Variants in C8orf34 observed in about 807,000 individuals in gnomAD.
The protein encoded by C8orf34 is uncharacterized protein C8orf34.
Under a neutral mutation model 68.3 loss-of-function variants are expected in C8orf34, and 65 were observed. That is an observed-to-expected ratio of 0.95 (90% CI 0.78 to 1.17). The LOEUF (loss-of-function observed/expected upper bound fraction) is 1.17. Among genes scored for constraint, C8orf34 ranks in the 50% most tolerant of loss-of-function variants. The pLI is 0.00. For synonymous variants in C8orf34, 244 were observed against 241.2 expected (o/e 1.01, Z -0.11); for missense variants, 664 against 655.4 (o/e 1.01, Z -0.14).
At chr8:68,689,227 C>G (rs1367089252) in intron 8 of C8orf34, among the ~76,000 whole-genome samples, 2 of 151,800 alleles carry the variant, frequency 1.3e-5, no homozygotes, top group Non-Finnish European at 2.9e-5. Flanking sequence ...ATATAATGGA[C>G]TTTGTGGACT....
At chr8:68,628,280 T>A (rs181287142) in intron 7 of C8orf34, among the ~76,000 whole-genome samples, 1 of 152,286 alleles carries the variant, frequency 6.6e-6, no homozygotes, top group Admixed American at 6.5e-5. Context: ...GAAGTTGTAC[T>A]ATTCTGAGGT....
At chr8:68,565,357 C>T (rs750434719) in intron 7 of C8orf34, among the ~76,000 whole-genome samples, 3 of 152,096 alleles carry the variant, frequency 2.0e-5, no homozygotes, top group Non-Finnish European at 2.9e-5. Context: ...CAATCCCTCC[C>T]GAAGATAAAG....
At chr8:68,463,070 A>T (rs1188288888) in intron 3 of C8orf34, among the ~76,000 whole-genome samples, 1 of 152,108 alleles carries the variant, frequency 6.6e-6, no homozygotes, top group Non-Finnish European at 1.5e-5. Flanking sequence ...AAAAAGAGAG[A>T]AGAATCAAAT....
chr8:68,722,554 G>A (rs183185877), intron 10 of C8orf34, among the ~76,000 whole-genome samples: 165 of 152,038 alleles, frequency 1.1e-3, no homozygotes, highest in Middle Eastern at 6.8e-3. Flanking sequence ...TCAATGTATC[G>A]TTGCTCAGAT....
chr8:68,481,687 C>A (rs1812867146), intron 4 of C8orf34, among the ~76,000 whole-genome samples: 1 of 152,186 alleles, frequency 6.6e-6, no homozygotes, highest in Admixed American at 6.5e-5. Context: ...GACTACCCTG[C>A]TGGATTTTGG....
intron 12 of C8orf34, among the ~76,000 whole-genome samples, chr8:68,795,589 T>C (rs923442692): frequency 1.3e-5 from 2 of 152,202 alleles, no homozygotes; most frequent in Non-Finnish European, 2.9e-5. Context: ...CATTGAAGTC[T>C]CTGCTAAGTA....
In C8orf34 at chr8:68,489,956, T is replaced by C. The variant is rs572165585; in HGVS notation, c.765+1905T>C. On this transcript the variant is annotated intron_variant, in intron 5 of 13. Coordinates refer to ENST00000518698, the MANE Select transcript of C8orf34 (RefSeq NM_052958.4). ...ACAAACCATCATAATATTTTAGAATTAGTTTCATTGTCATCTGTACCGACT... is the reference window on the plus strand; with the variant it reads ...ACAAACCATCATAATATTTTAGAATCAGTTTCATTGTCATCTGTACCGACT... Among the ~76,000 whole-genome samples the C allele has an allele frequency of 9.5e-4, 144 of 152,330 alleles. 1 individual carries two copies. Among genetic ancestry groups the C allele is most frequent in the East Asian group, 2.1e-3 (11 of 5,190 alleles).
At position 68,721,346 on chromosome 8, in the gene C8orf34, T is replaced by A. The variant is rs767264407; in HGVS notation, c.1328-15T>A. On this transcript the variant is annotated splice_polypyrimidine_tract_variant and intron_variant, in intron 9 of 13. Coordinates refer to ENST00000518698, the MANE Select transcript of C8orf34 (RefSeq NM_052958.4). Reference sequence around the variant, plus strand: ...ATGTGAGTATAATTTATTCATTTTTTAAAAATAAAAATAGATTCCTTGCCT... The same window carrying A: ...ATGTGAGTATAATTTATTCATTTTTAAAAAATAAAAATAGATTCCTTGCCT... The A allele has an allele frequency of 2.5e-5, 39 of 1,561,624 alleles. No individual in the cohort carries two copies. Among genetic ancestry groups the A allele is most frequent in the Middle Eastern group, 1.8e-4 (1 of 5,512 alleles).
At position 68,442,691 on chromosome 8, in the gene C8orf34, A is replaced by G. The variant is rs530945715; in HGVS notation, c.475+3045A>G. ...AGATCAAGATGTTTGATGTGGAATG[A>G]TTCCATATTATGAGAAAATCCTGTG... On this transcript the variant is annotated intron_variant, in intron 2 of 13. Transcript: ENST00000518698. Among the ~76,000 whole-genome samples the G allele has an allele frequency of 6.6e-5, 10 of 152,334 alleles. No homozygotes were observed. The East Asian group carries it at 7.7e-4, about 12-fold the overall frequency.
chr8:68,567,843 G>C (rs570444322), intron 7 of C8orf34, among the ~76,000 whole-genome samples: 3 of 151,986 alleles, frequency 2.0e-5, no homozygotes, highest in African/African-American at 7.2e-5. Context: ...TGGCTAACTG[G>C]TGAAGAGGCC....
intron 7 of C8orf34, among the ~76,000 whole-genome samples, chr8:68,586,787 G>A (rs1177328941): frequency 6.6e-6 from 1 of 151,918 alleles, no homozygotes; most frequent in Non-Finnish European, 1.5e-5. Context: ...AACTTCTTTT[G>A]TTTTGATGAG....
Position 68,439,693 on chromosome 8 carries a change from CA to C in C8orf34, c.475+51del, listed in dbSNP as rs571177979. 3.1e-3 allele frequency: 4,860 copies of C among 1,549,140 alleles called. 6 individuals carry two copies. Among genetic ancestry groups the C allele is most frequent in the Middle Eastern group, 4.9e-3 (28 of 5,744 alleles). ...AGTTAATTTGGGATTCATTTAATGT[CA>C]AAATTTCAAAACTCTTTTTGATACT... On this transcript the variant is annotated intron_variant, in intron 2 of 13. Transcript: ENST00000518698.
intron 1 of C8orf34, among the ~76,000 whole-genome samples, chr8:68,345,499 G>T (rs1042144962): frequency 6.6e-6 from 1 of 151,846 alleles, no homozygotes; most frequent in African/African-American, 2.4e-5. Context: ...AAAATAAGGA[G>T]GAACTGAATA....
intron 12 of C8orf34, among the ~76,000 whole-genome samples, 157 bp from the exon 13 acceptor site, chr8:68,815,729 A>C (rs904788368): frequency 5.3e-5 from 8 of 152,246 alleles, no homozygotes; most frequent in Non-Finnish European, 1.2e-4. Context: ...CTAAGGAGTT[A>C]AAATACAGAA....
intron 4 of C8orf34, among the ~76,000 whole-genome samples, chr8:68,482,391 T>C (rs368059404): frequency 1.1e-3 from 167 of 152,314 alleles, no homozygotes; most frequent in African/African-American, 3.8e-3. Context: ...AGGAATGCTC[T>C]TTGCTCTAAA....
In C8orf34 at chr8:68,331,775, C is replaced by CTTTTTTTTTTT. The variant is rs1255069534; in HGVS notation, c.327+439_327+440insTTTTTTTTTTT. Among the ~76,000 whole-genome samples, 22 of 38,408 alleles carry CTTTTTTTTTTT rather than the reference C, an allele frequency of 5.7e-4. 2 individuals carry two copies. Among genetic ancestry groups the CTTTTTTTTTTT allele is most frequent in the Admixed American group, 9.6e-4 (3 of 3,128 alleles). 25.2% of individuals were successfully genotyped at this position (38,408 alleles called of 152,430 possible). A position where few individuals can be genotyped will look rare whatever the true frequency, so the allele number is the denominator to read the frequency against. On this transcript the variant is annotated intron_variant, in intron 1 of 13. Transcript: ENST00000518698. The stretch of plus-strand genomic sequence containing the variant: ...TGGATTTTCTTTTTTCTTTTCTTTT[C>CTTTTTTTTTTT]TTTCCTTCTTTTTTTTTTTTTTTTT...
intron 1 of C8orf34, among the ~76,000 whole-genome samples, chr8:68,408,384 C>T (rs1363378969): frequency 6.6e-6 from 1 of 151,816 alleles, no homozygotes; most frequent in East Asian, 1.9e-4. Flanking sequence ...TTGAATCATC[C>T]TGAAACCATC....
intron 1 of C8orf34, among the ~76,000 whole-genome samples, chr8:68,384,246 C>A (rs915852540): frequency 1.3e-5 from 2 of 152,254 alleles, no homozygotes; most frequent in Non-Finnish European, 2.9e-5. Context: ...TAGGTTCCTT[C>A]GAGAGTAAAA....
intron 6 of C8orf34, among the ~76,000 whole-genome samples, chr8:68,530,378 A>T (rs4455810): frequency 0.2 from 30,876 of 152,020 alleles, 4,188 homozygotes; most frequent in African/African-American, 0.39. Flanking sequence ...CTAGTAGTCA[A>T]AATCAAAAGC....
Sources: allele counts gnomAD v4.1 joint callset (sites outside exome capture counted in the v4.1 genomes callset), GRCh38; gene constraint gnomAD v4.1.1; transcripts MANE v1.5; gene names NCBI Gene and HGNC (gene_info 2026-07-23, HGNC 2026-07-21).